GRIP2: variants seen among roughly 807,000 people sequenced by gnomAD.
GRIP2 encodes the protein glutamate receptor interacting protein 2, also known as glutamate receptor-interacting protein 2.
Under a neutral mutation model 108.3 loss-of-function variants are expected in GRIP2, and 58 were observed. The observed-to-expected ratio is 0.54, with a 90% confidence interval of 0.43 to 0.67. The LOEUF is 0.67. Ranked by LOEUF, GRIP2 falls within the 30% of genes least tolerant of loss-of-function variation. GRIP2 has a pLI of 0.00. For synonymous variants in GRIP2, 586 were observed against 598.2 expected, an observed-to-expected ratio of 0.98 and a Z score of 0.30; for missense variants, 1,278 against 1,430.6, an observed-to-expected ratio of 0.89 and a Z score of 1.72.
chr3:14,537,164 A>T (rs757694029), intron 1 of GRIP2, among the ~76,000 whole-genome samples: 10 of 150,158 alleles, frequency 6.7e-5, no homozygotes, highest in Non-Finnish European at 1.5e-4. Context: ...CTTTCGACCC[A>T]AGGCCCACCA....
At chr3:14,538,654 G>A (rs1487110180) in intron 1 of GRIP2, among the ~76,000 whole-genome samples, 1 of 152,352 alleles carries the variant, frequency 6.6e-6, no homozygotes, top group East Asian at 1.9e-4. Context: ...ACCTGGGGAG[G>A]AGACCTAGGG....
Position 14,521,911 on chromosome 3 carries a change from G to A in GRIP2, c.567-124C>T. The A allele has an allele frequency of 1.2e-6, 1 of 844,256 alleles. No individual in the cohort carries two copies. Among genetic ancestry groups the A allele is most frequent in the East Asian group, 3.0e-5 (1 of 33,116 alleles). The allele number at this position is 844,256 out of a possible 1,614,324, so 52.3% of individuals were successfully genotyped here. A position where few individuals can be genotyped will look rare whatever the true frequency, so the allele number is the denominator to read the frequency against. Reference sequence around the variant, plus strand: ...CAGGGAATGGGTGGGGGAGGAAGGGGAGGAGGGGACGGGTGAAGGGGCGCA... The same window carrying A: ...CAGGGAATGGGTGGGGGAGGAAGGGAAGGAGGGGACGGGTGAAGGGGCGCA... On this transcript the variant is annotated intron_variant, in intron 6 of 23. Transcript: ENST00000621039. This position sits in a 1 kb window ranked among gnomAD's most constrained non-coding sequence, Gnocchi z 5.1.
intron 21 of GRIP2, 23 bp downstream of exon 21, chr3:14,503,543 G>A: frequency 6.3e-7 from 1 of 1,576,508 alleles, no homozygotes; most frequent in South Asian, 1.1e-5. Context: ...CCCCATGCAG[G>A]CCTGCAGGGC....
chr3:14,574,219 C>G, the GRIP2 span: 1 of 867,682 alleles, frequency 1.2e-6, no homozygotes, highest in Non-Finnish European at 2.0e-6. Context: ...CTGTGGCTGT[C>G]CATGTCCTCG....
At chr3:14,534,724 A>T (rs1465949849) in intron 1 of GRIP2, among the ~76,000 whole-genome samples, 3 of 152,170 alleles carry the variant, frequency 2.0e-5, no homozygotes, top group African/African-American at 7.2e-5. Context: ...AGACCTGTGC[A>T]CCTGGTACTC....
chr3:14,520,827 G>A (rs903374706), intron 7 of GRIP2: 6 of 436,926 alleles, frequency 1.4e-5, no homozygotes, highest in Admixed American at 3.5e-5. Flanking sequence ...AAGAGCCTGT[G>A]GTATACCAGC....
At chr3:14,559,144 G>T (rs1334471731), upstream of GRIP2, among the ~76,000 whole-genome samples, 5 of 152,218 alleles carry the variant, frequency 3.3e-5, no homozygotes, top group Non-Finnish European at 7.3e-5. Context: ...CTGAGCCTCA[G>T]TTTCCTCACC....
chr3:14,558,754 A>T (rs1252872625), upstream of GRIP2, among the ~76,000 whole-genome samples: 1 of 151,758 alleles, frequency 6.6e-6, no homozygotes, highest in Non-Finnish European at 1.5e-5. Context: ...CTACACACCC[A>T]CCCCAGAGAC....
Position 14,494,878 on chromosome 3 carries a change from G to T in GRIP2, c.2935C>A (p.Arg979Ser), listed in dbSNP as rs780339587. Residue 979 changes from arginine (R) to serine (S), a missense_variant, in exon 23 of 24, where the codon CGT (arginine) becomes AGT (serine). Coordinates refer to ENST00000621039, the MANE Select transcript of GRIP2 (RefSeq NM_001080423.4). ...CTGTCGAAGGGCTGGAGGCCTCCAC[G>T]GTGGGCTGGCCCATCAGGGCGCACA... ...HTVRPDGPAH[R>S]GGLQPFDRVL... 1 of 1,613,754 alleles carries T rather than the reference G, an allele frequency of 6.2e-7. No individual in the cohort carries two copies. Among genetic ancestry groups the T allele is most frequent in the Non-Finnish European group, 8.5e-7 (1 of 1,179,766 alleles).
chr3:14,571,454 G>C, the GRIP2 span, among the ~76,000 whole-genome samples: 3 of 152,262 alleles, frequency 2.0e-5, no homozygotes, highest in East Asian at 5.8e-4. Context: ...GCCCTCCAAT[G>C]CTTCCCACCC....
chr3:14,581,054 G>A, the GRIP2 span, among the ~76,000 whole-genome samples: 1 of 152,212 alleles, frequency 6.6e-6, no homozygotes, highest in African/African-American at 2.4e-5. Flanking sequence ...CTCTTCCTCT[G>A]TCTTTCTGGA....
intron 1 of GRIP2, among the ~76,000 whole-genome samples, chr3:14,526,953 G>A (rs889295941): frequency 7.9e-5 from 12 of 152,286 alleles, no homozygotes; most frequent in African/African-American, 2.6e-4. Context: ...TTGGGAGGCC[G>A]AGGCAGGTGG....
chr3:14,495,371 G>T (rs1436825063), intron 22 of GRIP2, among the ~76,000 whole-genome samples: 1 of 152,138 alleles, frequency 6.6e-6, no homozygotes, highest in Non-Finnish European at 1.5e-5. Context: ...GCTAGGGGTT[G>T]TCCTCCTCCA....
intron 1 of GRIP2, 157 bp from the exon 2 acceptor site, chr3:14,526,088 C>T (rs1694547248): frequency 3.0e-6 from 2 of 659,404 alleles, no homozygotes; most frequent in South Asian, 1.8e-5. Context: ...AGAATCCTCA[C>T]AGCTCCTCCT....
rs1694445891 is a variant in GRIP2, at chr3:14,522,679, T to C, written c.566+321A>G. The C allele has an allele frequency of 6.7e-6, 2 of 298,448 alleles. No individual in the cohort carries two copies. The highest frequency in any genetic ancestry group is 1.3e-5 in the Non-Finnish European group (2 of 157,506). 18.5% of individuals were successfully genotyped at this position (298,448 alleles called of 1,614,324 possible). A position where few individuals can be genotyped will look rare whatever the true frequency, so the allele number is the denominator to read the frequency against. The stretch of plus-strand genomic sequence containing the variant: ...AATCAGCGTGCCCCCAAATCTCTCA[T>C]AGCAACTCTTAGGGACCATTCCACA... On this transcript the variant is annotated intron_variant, in intron 6 of 23. Transcript: ENST00000621039. This position sits in a 1 kb window ranked among gnomAD's most constrained non-coding sequence, Gnocchi z 4.3.
chr3:14,517,229 C>T lies in GRIP2; in HGVS notation c.1157-16G>A, dbSNP rs757002869. 7.8e-6 allele frequency: 12 copies of T among 1,536,230 alleles called. No homozygotes were observed. The African/African-American group carries it at 1.5e-4, about 20-fold the overall frequency. ...GAAGACAAGGCTGGGGAGATGAGAG[C>T]ACAGCCCCGTGAACCCCAGCCGAGG... On this transcript the variant is annotated splice_polypyrimidine_tract_variant and intron_variant, in intron 10 of 23. Transcript: ENST00000621039.
In GRIP2 at chr3:14,549,101, G is replaced by A. The variant is rs77910991; in HGVS notation, c.55+6799C>T. 9.2e-3 allele frequency among the ~76,000 whole-genome samples: 1,395 copies of A among 152,332 alleles called. 15 individuals carry two copies. The highest frequency in any genetic ancestry group is 0.014 in the Non-Finnish European group (977 of 68,026). Reference sequence around the variant, plus strand: ...CACTGATTTCAACCCCATGCCCAGGGCAGCGTTGTGCACACAGTAAGTGCT... The same window carrying A: ...CACTGATTTCAACCCCATGCCCAGGACAGCGTTGTGCACACAGTAAGTGCT... On this transcript the variant is annotated intron_variant, in intron 1 of 23. Coordinates refer to the GRIP2 transcript ENST00000637182.
intron 21 of GRIP2, among the ~76,000 whole-genome samples, chr3:14,496,782 G>A (rs575974389): frequency 2.0e-5 from 3 of 152,298 alleles, no homozygotes; most frequent in South Asian, 2.1e-4. Context: ...GTAATCATTC[G>A]TGCCGACCCA....
At chr3:14,506,032 C>T (rs1414981759) in intron 19 of GRIP2, among the ~76,000 whole-genome samples, 1 of 152,210 alleles carries the variant, frequency 6.6e-6, no homozygotes, top group Non-Finnish European at 1.5e-5. Flanking sequence ...TGGCCATCAC[C>T]CTGCCACGGA....
Sources: gnomAD v4.1 joint callset for allele counts (sites outside exome capture counted in the v4.1 genomes callset) on GRCh38, gnomAD v4.1.1 for gene constraint, Gnocchi (gnomAD v3.1) non-coding constraint, MANE v1.5 for transcripts, NCBI Gene and HGNC (gene_info 2026-07-23, HGNC 2026-07-21) for gene names.